Variants in LAMA3 observed in about 807,000 individuals in gnomAD.
LAMA3 encodes the protein laminin subunit alpha-3.
LAMA3 carries 281 observed loss-of-function variants against 402.0 expected under a neutral mutation model. The ratio of observed to expected loss-of-function variants is 0.70; its 90% CI spans 0.63 to 0.77. LAMA3 has a LOEUF of 0.77. Among genes scored for constraint, LAMA3 ranks in the 30% least tolerant of loss-of-function variants. The pLI, the probability that LAMA3 is intolerant of heterozygous loss-of-function variation, is 0.00. For synonymous variants in LAMA3, 1,431 were observed against 1,558.4 expected (o/e 0.92, Z 1.93); for missense variants, 3,840 against 4,215.5 (o/e 0.91, Z 2.47).
At chr18:23,928,567 G>A (rs2082075238) in intron 63 of LAMA3, 58 bp from the exon 64 acceptor site, 5 of 1,539,066 alleles carry the variant, frequency 3.2e-6, no homozygotes, top group African/African-American at 1.4e-5. Context: ...GTAAGGTACT[G>A]TATTTCAGCC....
chr18:23,928,155 G>C lies in LAMA3; in HGVS notation c.8210G>C (p.Cys2737Ser). The C allele has an allele frequency of 3.7e-6, 6 of 1,613,854 alleles. No homozygotes were observed. Among genetic ancestry groups the C allele is most frequent in the Non-Finnish European group, 5.1e-6 (6 of 1,179,738 alleles). Reference sequence around the variant, plus strand: ...ATTTCTACGCCTGCTTTCCGAGGCTGCATGAAAAATTTGAAGAAAACCAGT... The same window carrying C: ...ATTTCTACGCCTGCTTTCCGAGGCTCCATGAAAAATTTGAAGAAAACCAGT... ...FNISTPAFRG[C>S]MKNLKKTSGV... The change falls in exon 63 of 75, where the codon TGC becomes TCC. Residue 2737 changes from cysteine to serine, a missense_variant. Cys to Ser is a moderately radical substitution (Grantham distance 112). This residue lies in a region of LAMA3 where 840 missense variants were observed against 981.9 expected (regional missense o/e 0.86). Transcript: ENST00000313654.
intron 32 of LAMA3, among the ~76,000 whole-genome samples, chr18:23,855,477 A>G (rs956266909): frequency 6.6e-5 from 10 of 152,170 alleles, no homozygotes; most frequent in Non-Finnish European, 1.3e-4. Context: ...CTGTCTCTCC[A>G]GAAATAAGGA....
chr18:23,849,832 T>C lies in LAMA3; in HGVS notation c.4136+2164T>C, dbSNP rs946517242. Among the ~76,000 whole-genome samples, 5 of 152,302 alleles carry C rather than the reference T, an allele frequency of 3.3e-5. No individual in the cohort carries two copies. In the East Asian group the frequency reaches 9.6e-4, roughly 29 times the overall value. On this transcript the variant is annotated intron_variant, in intron 32 of 74. Transcript: ENST00000313654. Reference sequence around the variant, plus strand: ...GATGTAAAACTGTTTACTTTGACCTTAGGAAAGGGACTATAATAATCTAAT... The same window carrying C: ...GATGTAAAACTGTTTACTTTGACCTCAGGAAAGGGACTATAATAATCTAAT...
chr18:23,814,076 A>G (rs372813104), intron 14 of LAMA3, among the ~76,000 whole-genome samples: 10 of 152,298 alleles, frequency 6.6e-5, no homozygotes, highest in African/African-American at 1.2e-4. Context: ...CATTTTTTCT[A>G]TTTAAATTGG....
At chr18:23,693,521 ACT>A (rs1312220074) in intron 1 of LAMA3, among the ~76,000 whole-genome samples, 1 of 147,524 alleles carries the variant, frequency 6.8e-6, no homozygotes, top group Non-Finnish European at 1.5e-5. Context: ...TGAGAGTGAG[ACT>A]CTGTATCAAA....
intron 13 of LAMA3, among the ~76,000 whole-genome samples, chr18:23,812,166 C>G (rs1354166320): frequency 1.3e-5 from 2 of 152,180 alleles, no homozygotes; most frequent in Non-Finnish European, 2.9e-5. Flanking sequence ...AGCCACCACT[C>G]CCAGCCTCTA....
chr18:23,740,528 T>C (rs2061544470), intron 2 of LAMA3, among the ~76,000 whole-genome samples: 1 of 152,150 alleles, frequency 6.6e-6, no homozygotes, highest in African/African-American at 2.4e-5. Context: ...GTGGTTCTTT[T>C]ATATTAGAAA....
chr18:23,712,272 C>T (rs2061004937), intron 1 of LAMA3, among the ~76,000 whole-genome samples: 2 of 150,774 alleles, frequency 1.3e-5, no homozygotes, highest in Non-Finnish European at 2.9e-5. Context: ...CCCAGCTACT[C>T]GGGAGGCTGA....
intron 2 of LAMA3, among the ~76,000 whole-genome samples, chr18:23,721,853 T>C (rs907600879): frequency 6.6e-6 from 1 of 152,184 alleles, no homozygotes; most frequent in Non-Finnish European, 1.5e-5. Context: ...ACAGAATCCA[T>C]AGTGGTGAGC....
chr18:23,695,603 C>T (rs1405009334), intron 1 of LAMA3, among the ~76,000 whole-genome samples: 1 of 151,792 alleles, frequency 6.6e-6, no homozygotes, highest in Non-Finnish European at 1.5e-5. Flanking sequence ...GGGTGAATCA[C>T]TTGAGGTCAG....
chr18:23,778,139 C>A (rs370640796), intron 11 of LAMA3, among the ~76,000 whole-genome samples: 33 of 152,218 alleles, frequency 2.2e-4, no homozygotes, highest in African/African-American at 7.5e-4. Flanking sequence ...AGTCCCAAAA[C>A]AAGCCCCTGG....
intron 38 of LAMA3, 23 bp downstream of exon 38, chr18:23,871,684 AC>A (rs775338140): frequency 6.4e-7 from 1 of 1,563,326 alleles, no homozygotes; most frequent in East Asian, 2.3e-5. Context: ...CCCATCCGCA[AC>A]ATTTCCCTAG....
At chr18:23,848,822 C>A (rs551640528) in intron 32 of LAMA3, among the ~76,000 whole-genome samples, 1 of 152,314 alleles carries the variant, frequency 6.6e-6, no homozygotes, top group African/African-American at 2.4e-5. Context: ...TTGGTTTCTT[C>A]CGGAGGGTCT....
chr18:23,708,746 TTTTTTATTTTTTA>T (rs1190717610), intron 1 of LAMA3, among the ~76,000 whole-genome samples: 2 of 151,990 alleles, frequency 1.3e-5, no homozygotes, highest in African/African-American at 4.8e-5. Context: ...TTTATTTTCT[TTTTTTATTTTTTA>T]TTTTTATTTT....
chr18:23,763,559 C>A, intron 8 of LAMA3, 36 bp downstream of exon 8: 1 of 1,222,262 alleles, frequency 8.2e-7, no homozygotes, highest in Non-Finnish European at 1.2e-6. Context: ...GATGTGTTGT[C>A]ATGGGGAATG....
intron 5 of LAMA3, among the ~76,000 whole-genome samples, chr18:23,752,165 C>T (rs774115450): frequency 1.3e-3 from 191 of 152,122 alleles, no homozygotes; most frequent in Non-Finnish European, 1.2e-3. Flanking sequence ...CCTCAGCTCC[C>T]TCTGAGCTTC....
intron 66 of LAMA3, 38 bp from the exon 67 acceptor site, chr18:23,933,744 A>G (rs2082232275): frequency 6.2e-7 from 1 of 1,612,000 alleles, no homozygotes; most frequent in South Asian, 1.1e-5. Flanking sequence ...CGACATGTCC[A>G]AGTTTGGCAG....
chr18:23,692,569 G>A (rs1365966302), intron 1 of LAMA3, among the ~76,000 whole-genome samples: 1 of 152,204 alleles, frequency 6.6e-6, no homozygotes, highest in Non-Finnish European at 1.5e-5. Context: ...ACCGCAGCCG[G>A]CCCGTTTTGA....
chr18:23,811,912 C>G (rs1435186743), intron 13 of LAMA3, among the ~76,000 whole-genome samples: 1 of 151,586 alleles, frequency 6.6e-6, no homozygotes, highest in African/African-American at 2.4e-5. Flanking sequence ...CTCGCTCTGT[C>G]CCCCAGGCTG....
Sources: allele counts gnomAD v4.1 joint callset (sites outside exome capture counted in the v4.1 genomes callset), GRCh38; gene constraint gnomAD v4.1.1; regional missense constraint gnomAD v4.1.1; transcripts MANE v1.5; gene names NCBI Gene and HGNC (gene_info 2026-07-23, HGNC 2026-07-21).